Variants in SUFU observed in about 807,000 individuals in gnomAD.
The protein encoded by SUFU is suppressor of fused homolog.
A neutral mutation model predicts 58.9 loss-of-function variants in SUFU; 7 were observed. The ratio of observed to expected loss-of-function variants is 0.12; its 90% CI spans 0.07 to 0.22. SUFU has a LOEUF of 0.22. Ranked by LOEUF, SUFU falls within the 10% of genes least tolerant of loss-of-function variation. SUFU has a pLI of 1.00. For synonymous variants in SUFU, 232 were observed against 254.8 expected, an observed-to-expected ratio of 0.91 and a Z score of 0.85; for missense variants, 451 against 641.3, an observed-to-expected ratio of 0.70 and a Z score of 3.20.
chr10:102,505,507 C>G (rs779380660), intron 1 of SUFU, among the ~76,000 whole-genome samples: 9 of 152,194 alleles, frequency 5.9e-5, no homozygotes, highest in Non-Finnish European at 8.8e-5. Context: ...GGCAAGTGGA[C>G]ATCTTTGCTG....
At chr10:102,593,509 A>ACCG (rs1590062670) in intron 4 of SUFU, 127 bp from the exon 5 acceptor site, 1 of 947,530 alleles carries the variant, frequency 1.1e-6, no homozygotes, top group African/African-American at 1.6e-5. Context: ...TGGCTGCACC[A>ACCG]GCTCCTGAGC....
intron 2 of SUFU, among the ~76,000 whole-genome samples, chr10:102,513,138 T>A (rs1261802403): frequency 1.3e-5 from 2 of 152,142 alleles, no homozygotes; most frequent in Non-Finnish European, 2.9e-5. Flanking sequence ...TGTACTGGGA[T>A]GACTGGTTTC....
chr10:102,610,244 T>C (rs2063607835), intron 8 of SUFU, among the ~76,000 whole-genome samples: 1 of 151,526 alleles, frequency 6.6e-6, no homozygotes, highest in Non-Finnish European at 1.5e-5. Context: ...AATACAAAAA[T>C]TAGCCAGGTG....
At chr10:102,581,006 A>G (rs1426436161) in intron 3 of SUFU, among the ~76,000 whole-genome samples, 7 of 151,398 alleles carry the variant, frequency 4.6e-5, no homozygotes, top group African/African-American at 7.3e-5. Flanking sequence ...ACATGGCAAA[A>G]CTCCATCTCT....
rs555310532 is a variant in SUFU, at chr10:102,593,174, A to G, written c.597+450A>G. ...TATTTACACAAAGGCCTATCCCCTA[A>G]TAAGGAAGGGAGGAGTTTCTCTGCA... is the stretch of plus-strand genomic sequence containing the variant. On this transcript the variant is annotated intron_variant, in intron 4 of 11. Coordinates refer to ENST00000369902, the MANE Select transcript of SUFU (RefSeq NM_016169.4). Among the ~76,000 whole-genome samples, 7 of 152,308 alleles carry G rather than the reference A, an allele frequency of 4.6e-5. No individual in the cohort carries two copies. In the East Asian group the frequency reaches 1.2e-3, roughly 25 times the overall value.
At chr10:102,512,334 C>T (rs1016399616) in intron 2 of SUFU, among the ~76,000 whole-genome samples, 1 of 152,180 alleles carries the variant, frequency 6.6e-6, no homozygotes, top group Non-Finnish European at 1.5e-5. Flanking sequence ...TAATAAGAAC[C>T]TGCAGAGAGT....
intron 2 of SUFU, among the ~76,000 whole-genome samples, chr10:102,546,615 A>C (rs1254997380): frequency 6.6e-6 from 1 of 152,212 alleles, no homozygotes; most frequent in Non-Finnish European, 1.5e-5. Context: ...AGTCCAGACC[A>C]AGCCAGGCCC....
chr10:102,621,883 A>G (rs1359149737), intron 10 of SUFU, among the ~76,000 whole-genome samples: 7 of 152,240 alleles, frequency 4.6e-5, no homozygotes, highest in Non-Finnish European at 8.8e-5. Context: ...GACCACAGAC[A>G]TCTGAATCGG....
chr10:102,553,341 CT>C (rs1332444832), intron 3 of SUFU, among the ~76,000 whole-genome samples: 2 of 152,164 alleles, frequency 1.3e-5, no homozygotes, highest in African/African-American at 4.8e-5. Flanking sequence ...GACTTGTGCT[CT>C]GTGTGCCATT....
chr10:102,587,931 T>C (rs1444074517), intron 3 of SUFU, among the ~76,000 whole-genome samples: 1 of 152,262 alleles, frequency 6.6e-6, no homozygotes, highest in Middle Eastern at 3.2e-3. Context: ...AAAAGTTTTA[T>C]AGTTTTAGCT....
chr10:102,588,641 T>C (rs2063361633), intron 3 of SUFU, among the ~76,000 whole-genome samples: 1 of 152,210 alleles, frequency 6.6e-6, no homozygotes, highest in South Asian at 2.1e-4. Context: ...AATCCGTTTG[T>C]GAATTACTGC....
chr10:102,599,266 C>T (rs1250380652), intron 7 of SUFU, among the ~76,000 whole-genome samples, 167 bp from the exon 8 acceptor site: 1 of 152,198 alleles, frequency 6.6e-6, no homozygotes, highest in Non-Finnish European at 1.5e-5. Context: ...GTTGTCCCCT[C>T]GCAATCTGTA....
chr10:102,518,590 A>G (rs906188294), intron 2 of SUFU, among the ~76,000 whole-genome samples: 2 of 151,632 alleles, frequency 1.3e-5, no homozygotes, highest in African/African-American at 4.8e-5. Context: ...CCTCTCGCCC[A>G]GGCTGGAGTG....
intron 2 of SUFU, among the ~76,000 whole-genome samples, chr10:102,538,245 C>T (rs771221263): frequency 3.3e-5 from 5 of 152,184 alleles, no homozygotes; most frequent in Non-Finnish European, 4.4e-5. Flanking sequence ...TGTCCTACCA[C>T]ATAATGTGCC....
Position 102,553,732 on chromosome 10 carries a change from G to T in SUFU, c.454+3626G>T, listed in dbSNP as rs372830462. Among the ~76,000 whole-genome samples, 657 of 152,128 alleles carry T rather than the reference G, an allele frequency of 4.3e-3. 7 individuals are homozygous for T. The highest frequency in any genetic ancestry group is 0.015 in the African/African-American group (625 of 41,526). ...CCCGCCTCAGCCTCCCAAAGTGCTG[G>T]GATTACAGGCGTGAGCCACCGCGCC... On this transcript the variant is annotated intron_variant, in intron 3 of 11. Transcript: ENST00000369902.
At chr10:102,577,080 CTTTTCTT>C (rs2063219201) in intron 3 of SUFU, among the ~76,000 whole-genome samples, 1 of 97,086 alleles carries the variant, frequency 1.0e-5, no homozygotes, top group South Asian at 3.2e-4. Context: ...TGGATTTTTT[CTTTTCTT>C]TTTTTTTTTT....
intron 3 of SUFU, among the ~76,000 whole-genome samples, chr10:102,562,934 C>T (rs1404580866): frequency 6.6e-6 from 1 of 152,180 alleles, no homozygotes; most frequent in Non-Finnish European, 1.5e-5. Context: ...ATCATAGGTA[C>T]TTACCTTCTC....
At chr10:102,612,213 G>A (rs1471709112) in intron 8 of SUFU, among the ~76,000 whole-genome samples, 2 of 113,688 alleles carry the variant, frequency 1.8e-5, no homozygotes, top group African/African-American at 3.2e-5. Context: ...GTGTGTGCAC[G>A]CGCATGTGTG....
chr10:102,508,365 G>A (rs1042416793), intron 1 of SUFU, among the ~76,000 whole-genome samples: 4 of 152,234 alleles, frequency 2.6e-5, no homozygotes, highest in South Asian at 2.1e-4. Context: ...AATCTCTTCC[G>A]CAACTCCTTC....
Sources: gnomAD v4.1 joint callset for allele counts (sites outside exome capture counted in the v4.1 genomes callset) on GRCh38, gnomAD v4.1.1 for gene constraint, MANE v1.5 for transcripts, NCBI Gene and HGNC (gene_info 2026-07-23, HGNC 2026-07-21) for gene names.